The following DIP2C variants were observed in gnomAD, a reference collection of about 807,000 sequenced individuals.
DIP2C encodes disco-interacting protein 2 homolog C.
DIP2C carries 33 observed loss-of-function variants against 192.4 expected under a neutral mutation model. The ratio of observed to expected loss-of-function variants is 0.17; its 90% CI spans 0.13 to 0.23. The LOEUF is 0.23. Ranked by LOEUF, DIP2C falls within the 10% of genes least tolerant of loss-of-function variation. The probability of loss-of-function intolerance (pLI) is 1.00; values close to 1 mark genes in which losing one functional copy is unlikely to be tolerated. For missense variants in DIP2C, 1,537 were observed against 2,110.1 expected, an observed-to-expected ratio of 0.73 and a Z score of 5.32; for synonymous variants, 979 against 864.1, an observed-to-expected ratio of 1.13 and a Z score of -2.33.
intron 1 of DIP2C, among the ~76,000 whole-genome samples, chr10:524,978 A>AAAAAAAAAAAAAAAAAAAAAAAAAAAAAC (rs1324287190): frequency 6.6e-6 from 1 of 151,488 alleles, no homozygotes; most frequent in African/African-American, 2.4e-5. Context: ...AAAAAAAAAA[A>AAAAAAAAAAAAAAAAAAAAAAAAAAAAAC]AAAAAGAATC....
intron 1 of DIP2C, among the ~76,000 whole-genome samples, chr10:593,294 A>G (rs752498411): frequency 2.0e-5 from 3 of 152,132 alleles, no homozygotes; most frequent in Non-Finnish European, 4.4e-5. Context: ...CAGAGCCTGC[A>G]AACACCCACG....
In DIP2C at chr10:299,994, C is replaced by CA. The variant is rs573553606; in HGVS notation, c.3986+10036dup. On this transcript the variant is annotated intron_variant, in intron 32 of 36. Transcript: ENST00000280886. ...TCACACCCATTAGGATAACTACTCTCAAAAAAATAGAAAACACCTACTGTT... is the reference window on the plus strand; with the variant it reads ...TCACACCCATTAGGATAACTACTCTCAAAAAAAATAGAAAACACCTACTGTT... Among the ~76,000 whole-genome samples the CA allele has an allele frequency of 6.1e-4, 93 of 152,230 alleles. 2 individuals carry two copies. Among genetic ancestry groups the CA allele is most frequent in the South Asian group, 5.0e-3 (24 of 4,814 alleles).
At chr10:567,914 G>A (rs1849545701) in intron 1 of DIP2C, among the ~76,000 whole-genome samples, 1 of 152,222 alleles carries the variant, frequency 6.6e-6, no homozygotes, top group African/African-American at 2.4e-5. Flanking sequence ...ATAGGTGTGA[G>A]CAATCGCGCC....
intron 1 of DIP2C, among the ~76,000 whole-genome samples, chr10:641,117 C>G (rs1855171946): frequency 6.9e-6 from 1 of 144,434 alleles, no homozygotes; most frequent in African/African-American, 2.6e-5. Flanking sequence ...CAAGATCATT[C>G]ACAACAAATT....
chr10:488,516 A>G lies in DIP2C; in HGVS notation c.86-1986T>C, dbSNP rs142230738. ...TCCAAAACCATGTCCCATGAAAACC[A>G]CACCTAGAGTCTTCCACTCTAAAGC... On this transcript the variant is annotated intron_variant, in intron 1 of 36. Coordinates refer to ENST00000280886, the MANE Select transcript of DIP2C (RefSeq NM_014974.3). Among the ~76,000 whole-genome samples, 6 of 152,336 alleles carry G rather than the reference A, an allele frequency of 3.9e-5. No individual in the cohort carries two copies. In the East Asian group the frequency reaches 1.2e-3, roughly 29 times the overall value.
At chr10:489,098 G>A (rs958376254) in intron 1 of DIP2C, among the ~76,000 whole-genome samples, 4 of 152,148 alleles carry the variant, frequency 2.6e-5, no homozygotes, top group Admixed American at 6.5e-5. Flanking sequence ...CCCCAAAGCC[G>A]AAGCGCTGGA....
intron 1 of DIP2C, among the ~76,000 whole-genome samples, chr10:519,746 G>A (rs113255326): frequency 1.3e-5 from 2 of 152,360 alleles, no homozygotes; most frequent in South Asian, 4.1e-4. Flanking sequence ...CCTGCTCATC[G>A]CTAACACTTT....
intron 3 of DIP2C, among the ~76,000 whole-genome samples, chr10:460,880 AAG>A (rs1222926803): frequency 6.6e-6 from 1 of 152,160 alleles, no homozygotes; most frequent in Non-Finnish European, 1.5e-5. Context: ...GACATGCCAG[AAG>A]AGAGTGGGGG....
At chr10:638,058 G>A (rs974873926) in intron 1 of DIP2C, among the ~76,000 whole-genome samples, 1 of 152,180 alleles carries the variant, frequency 6.6e-6, no homozygotes, top group Non-Finnish European at 1.5e-5. Flanking sequence ...TGAAGCCCCC[G>A]AGACACAGCC....
rs755987143 is a variant in DIP2C, at chr10:345,071, A to C, written c.3271T>G (p.Cys1091Gly). The C allele has an allele frequency of 6.2e-7, 1 of 1,613,622 alleles. No homozygotes were observed. Among genetic ancestry groups the C allele is most frequent in the Non-Finnish European group, 8.5e-7 (1 of 1,179,962 alleles). The change falls in exon 27 of 37, where the codon TGT becomes GGT. Residue 1091 changes from cysteine to glycine, a missense_variant. Physicochemically the swap from Cys to Gly is radical, Grantham distance 159. This residue lies in a region of DIP2C where 677 missense variants were observed against 989.9 expected (regional missense o/e 0.68). Coordinates refer to ENST00000280886, the MANE Select transcript of DIP2C (RefSeq NM_014974.3). ...GCCTCCCTGGACCGCAGCAACTTAC[A>C]GATCAGCTGTGTCGTCATCAGACAG... ...SACLMTTQLI[C>G]KLLRSREAAA...
At chr10:542,315 T>C (rs2130906991) in intron 1 of DIP2C, among the ~76,000 whole-genome samples, 1 of 152,288 alleles carries the variant, frequency 6.6e-6, no homozygotes, top group Non-Finnish European at 1.5e-5. Context: ...GAACGTCATG[T>C]CCCTCAACAG....
intron 1 of DIP2C, among the ~76,000 whole-genome samples, chr10:549,660 GC>G (rs530871936): frequency 5.5e-4 from 84 of 151,594 alleles, no homozygotes; most frequent in Admixed American, 2.3e-3. Flanking sequence ...AGAGCGGAGG[GC>G]CCCCCCCGAC....
At chr10:349,302 C>T in intron 25 of DIP2C, 29 bp downstream of exon 25, 2 of 1,590,270 alleles carry the variant, frequency 1.3e-6, no homozygotes, top group South Asian at 2.2e-5. Flanking sequence ...CTTGCCATCT[C>T]TCAGGGGAAG....
At chr10:401,378 A>C (rs925255333) in intron 9 of DIP2C, among the ~76,000 whole-genome samples, 9 of 151,746 alleles carry the variant, frequency 5.9e-5, no homozygotes, top group African/African-American at 1.9e-4. Context: ...ACTCTTCCTT[A>C]TGGACAAGTT....
intron 1 of DIP2C, among the ~76,000 whole-genome samples, chr10:566,847 CCA>C (rs974021603): frequency 1.3e-5 from 2 of 152,336 alleles, no homozygotes; most frequent in African/African-American, 2.4e-5. Flanking sequence ...AGCTAGCGTG[CCA>C]CAGAGACATC....
intron 34 of DIP2C, among the ~76,000 whole-genome samples, chr10:285,596 G>A (rs114002811): frequency 0.018 from 2,806 of 152,330 alleles, 77 homozygotes; most frequent in African/African-American, 0.064. Context: ...AGAATGCGGC[G>A]GAAGGAGGAC....
chr10:563,354 T>TC (rs1179978043), intron 1 of DIP2C, among the ~76,000 whole-genome samples: 1 of 152,146 alleles, frequency 6.6e-6, no homozygotes, highest in African/African-American at 2.4e-5. Flanking sequence ...TGGCAATATT[T>TC]CCCCGATCCT....
intron 17 of DIP2C, 180 bp downstream of exon 17, chr10:382,467 T>C: frequency 1.7e-6 from 1 of 575,598 alleles, no homozygotes; most frequent in East Asian, 2.9e-5. Flanking sequence ...AATGAATGAA[T>C]CTAGGCTGTT....
At chr10:495,939 C>T (rs138014788) in intron 1 of DIP2C, among the ~76,000 whole-genome samples, 1 of 149,890 alleles carries the variant, frequency 6.7e-6, no homozygotes, top group African/African-American at 2.5e-5. Flanking sequence ...ACAGAACCCA[C>T]GGTGCCTTCC....
Sources: allele counts gnomAD v4.1 joint callset (sites outside exome capture counted in the v4.1 genomes callset), GRCh38; gene constraint gnomAD v4.1.1; regional missense constraint gnomAD v4.1.1; transcripts MANE v1.5; gene names NCBI Gene and HGNC (gene_info 2026-07-23, HGNC 2026-07-21).